Variants in HTT observed in about 807,000 individuals in gnomAD.
HTT encodes the protein huntingtin, also known as huntington disease protein.
A neutral mutation model predicts 362.3 loss-of-function variants in HTT; 104 were observed. The observed-to-expected ratio is 0.29, with a 90% CI of 0.24 to 0.34. The LOEUF (loss-of-function observed/expected upper bound fraction) is 0.34, where lower values mean the gene tolerates loss of function less well. Ranked by LOEUF, HTT falls within the 10% of genes least tolerant of loss-of-function variation. The pLI, the probability that HTT is intolerant of heterozygous loss-of-function variation, is 1.00. For missense variants in HTT, 3,301 were observed against 3,928.6 expected, an observed-to-expected ratio of 0.84 and a Z score of 4.27; for synonymous variants, 1,577 against 1,548.7, an observed-to-expected ratio of 1.02 and a Z score of -0.43.
chr4:3,229,106 C>CT, intron 59 of HTT, 97 bp downstream of exon 59: 1 of 1,204,990 alleles, frequency 8.3e-7, no homozygotes, highest in Non-Finnish European at 1.2e-6. Context: ...ACACATGCCA[C>CT]TTGCACACAC....
chr4:3,146,675 A>C (rs1430420787), intron 24 of HTT, 122 bp from the exon 25 acceptor site: 9 of 818,356 alleles, frequency 1.1e-5, no homozygotes, highest in Non-Finnish European at 1.8e-5. Flanking sequence ...AAAATAAAAC[A>C]ATTTCTGAGC....
At chr4:3,095,715 G>A (rs1713822913) in intron 2 of HTT, among the ~76,000 whole-genome samples, 1 of 152,190 alleles carries the variant, frequency 6.6e-6, no homozygotes, top group African/African-American at 2.4e-5. Flanking sequence ...AAGGTAGATT[G>A]TGATGAAGAT....
intron 2 of HTT, among the ~76,000 whole-genome samples, chr4:3,095,834 G>A (rs1435062627): frequency 2.6e-5 from 4 of 152,192 alleles, no homozygotes; most frequent in Admixed American, 1.3e-4. Flanking sequence ...AAAGAAGCCA[G>A]AAATAGGGGA....
In HTT at chr4:3,228,606, C is replaced by CTGTGGCAGGTGTCCATACACTCCG. The variant is rs1721037702; in HGVS notation, c.7849-2_7870dup. 6.4e-7 allele frequency: 1 copy of CTGTGGCAGGTGTCCATACACTCCG among 1,550,606 alleles called. No homozygotes were observed. The highest frequency in any genetic ancestry group is 1.4e-5 in the African/African-American group (1 of 72,758). On this transcript the variant is annotated splice_polypyrimidine_tract_variant and intron_variant, in intron 57 of 66. Transcript: ENST00000355072. The surrounding 1 kb of genome is among the most constrained non-coding windows in gnomAD (Gnocchi z 4.3). ...CGCAGCACTGAGCAGTGCCCCGTTT[C>CTGTGGCAGGTGTCCATACACTCCG]TGTGGCAGGTGTCCATACACTCCGT...
chr4:3,090,400 A>G (rs1713437747), intron 2 of HTT, among the ~76,000 whole-genome samples: 3 of 152,358 alleles, frequency 2.0e-5, no homozygotes, highest in South Asian at 2.1e-4. Context: ...TAGGGACTAC[A>G]CATTTTTCAC....
intron 50 of HTT, 67 bp from the exon 51 acceptor site, chr4:3,215,043 A>G (rs1339563228): frequency 1.5e-6 from 2 of 1,298,098 alleles, no homozygotes; most frequent in African/African-American, 2.9e-5. Flanking sequence ...ACAAATGTAA[A>G]ATGTTGAATA....
intron 51 of HTT, among the ~76,000 whole-genome samples, chr4:3,216,898 G>A (rs574140617): frequency 6.6e-5 from 10 of 151,034 alleles, no homozygotes; most frequent in South Asian, 4.2e-4. Context: ...AGTGGCGGGC[G>A]CCTGTAGTCC....
In HTT at chr4:3,157,128, G is replaced by A; in HGVS notation, c.3682G>A (p.Gly1228Arg). The change falls in exon 28 of 67, where the codon GGG (glycine) becomes AGG (arginine). Residue 1228 changes from glycine to arginine, a missense_variant. This residue lies in a region of HTT where 2,316 missense variants were observed against 2,658.5 expected (regional missense o/e 0.87). Transcript: ENST00000355072. ...PVTTSKSSSLGSFYHLPSYLK... is the reference protein window; with the variant it reads ...PVTTSKSSSLRSFYHLPSYLK... ...TACAACAAGTAAATCCTCATCACTGGGGAGTTTCTATCATCTTCCTTCATA... is the reference window on the plus strand; with the variant it reads ...TACAACAAGTAAATCCTCATCACTGAGGAGTTTCTATCATCTTCCTTCATA... 1 of 1,612,824 alleles carries A rather than the reference G, an allele frequency of 6.2e-7. No individual in the cohort carries two copies.
intron 41 of HTT, among the ~76,000 whole-genome samples, chr4:3,203,730 T>G (rs1296740831): frequency 6.6e-6 from 1 of 152,234 alleles, no homozygotes. Context: ...AGGTGCTGAT[T>G]GAATGTGCAG....
chr4:3,089,502 C>T (rs1057485199), intron 2 of HTT, among the ~76,000 whole-genome samples: 2 of 152,230 alleles, frequency 1.3e-5, no homozygotes, highest in African/African-American at 4.8e-5. Flanking sequence ...ATCCGCCCGC[C>T]TCGGCCTCCC....
intron 33 of HTT, among the ~76,000 whole-genome samples, chr4:3,176,028 T>TG (rs201301333): frequency 7.6e-4 from 112 of 146,482 alleles, no homozygotes; most frequent in African/African-American, 2.9e-3. Flanking sequence ...GTTGTTTGTT[T>TG]TTTTTTGTTT....
At position 3,186,496 on chromosome 4, in the gene HTT, G is replaced by T. The variant is rs1252779989; in HGVS notation, c.4867-101G>T. 5.4e-6 allele frequency: 7 copies of T among 1,302,580 alleles called. No individual in the cohort carries two copies. In the Admixed American group the frequency reaches 1.3e-4, roughly 24 times the overall value. 80.7% of individuals were successfully genotyped at this position (1,302,580 alleles called of 1,614,324 possible). The stretch of plus-strand genomic sequence containing the variant: ...TTTAAATGAGGGAAGGTGACGATGA[G>T]ATGATTATGATGATTTGCCCTTGAG... On this transcript the variant is annotated intron_variant, in intron 37 of 66. Coordinates refer to ENST00000355072, the MANE Select transcript of HTT (RefSeq NM_001388492.1).
At chr4:3,136,521 AAT>A (rs1716072638) in intron 21 of HTT, among the ~76,000 whole-genome samples, 195 bp downstream of exon 21, 1 of 152,150 alleles carries the variant, frequency 6.6e-6, no homozygotes, top group Non-Finnish European at 1.5e-5. Flanking sequence ...AAAACAACAA[AAT>A]ACTAACTGTC....
chr4:3,154,419 G>T lies in HTT; in HGVS notation c.3625G>T (p.Ala1209Ser). The stretch of plus-strand genomic sequence containing the variant: ...CAAGAAAGGCAGTGAGGCCAGTGCA[G>T]GTAGGAAACAGCGTGGGGAAGGGAG... ...SPKKGSEASAASRQSDTSGPV... is the reference protein window; with the variant it reads ...SPKKGSEASASSRQSDTSGPV... The change falls in exon 27 of 67, where the codon GCT (alanine) becomes TCT (serine). Residue 1209 changes from alanine to serine, a missense_variant and splice_region_variant. Transcript: ENST00000355072. The T allele has an allele frequency of 6.2e-7, 1 of 1,613,512 alleles. No homozygotes were observed. The highest frequency in any genetic ancestry group is 8.5e-7 in the Non-Finnish European group (1 of 1,179,806).
chr4:3,132,201 T>C (rs1316149490), intron 16 of HTT, among the ~76,000 whole-genome samples: 1 of 152,150 alleles, frequency 6.6e-6, no homozygotes, highest in African/African-American at 2.4e-5. Context: ...TCTTTTTCTT[T>C]GGGTGAGAGG....
At chr4:3,087,286 C>T (rs988041918) in intron 2 of HTT, among the ~76,000 whole-genome samples, 4 of 152,186 alleles carry the variant, frequency 2.6e-5, no homozygotes, top group Non-Finnish European at 5.9e-5. Context: ...TAGTTAACAC[C>T]CTTAGCAACT....
At chr4:3,117,237 A>G (rs947521738) in intron 8 of HTT, among the ~76,000 whole-genome samples, 2 of 152,188 alleles carry the variant, frequency 1.3e-5, no homozygotes, top group Non-Finnish European at 2.9e-5. Context: ...TATGACATTT[A>G]TATTTCCTTC....
At chr4:3,125,697 C>T in intron 11 of HTT, 68 bp downstream of exon 11, 1 of 1,146,362 alleles carries the variant, frequency 8.7e-7, no homozygotes. Context: ...GCCCTTCCTG[C>T]TCGTCCCCCT....
rs142300269 is a variant in HTT, at chr4:3,091,349, CAT to C, written c.347+4329_347+4330del. Among the ~76,000 whole-genome samples, 1,101 of 152,066 alleles carry C rather than the reference CAT, an allele frequency of 7.2e-3. 14 individuals carry two copies. The highest frequency in any genetic ancestry group is 0.024 in the African/African-American group (1,004 of 41,478). On this transcript the variant is annotated intron_variant, in intron 2 of 66. Coordinates refer to ENST00000355072, the MANE Select transcript of HTT (RefSeq NM_001388492.1). ...ATCTCTACCTCATATTGCAAACAAA[CAT>C]AAAGTTCAGATTAATTACCTAAATG... is the stretch of plus-strand genomic sequence containing the variant.
Sources: allele counts gnomAD v4.1 joint callset (sites outside exome capture counted in the v4.1 genomes callset), GRCh38; gene constraint gnomAD v4.1.1; regional missense constraint gnomAD v4.1.1; non-coding constraint Gnocchi (gnomAD v3.1); transcripts MANE v1.5; gene names NCBI Gene and HGNC (gene_info 2026-07-23, HGNC 2026-07-21).